PTPRD: variants seen among roughly 807,000 people sequenced by gnomAD.
The protein encoded by PTPRD is protein tyrosine phosphatase receptor type D.
In PTPRD, 34 loss-of-function variants were observed where a neutral mutation model predicts 214.5. That is an observed-to-expected ratio of 0.16 (90% CI 0.12 to 0.21). The LOEUF is 0.21. Ranked by LOEUF, PTPRD falls within the 10% of genes least tolerant of loss-of-function variation. The pLI is 1.00. For missense variants in PTPRD, 2,545 were observed against 2,398.7 expected, an observed-to-expected ratio of 1.06 and a Z score of -1.27; for synonymous variants, 1,128 against 845.7, an observed-to-expected ratio of 1.33 and a Z score of -5.79.
intron 3 of PTPRD, among the ~76,000 whole-genome samples, chr9:10,095,239 A>G (rs1341066314): frequency 6.6e-6 from 1 of 151,464 alleles, no homozygotes; most frequent in Non-Finnish European, 1.5e-5. Flanking sequence ...TTCAATGCTA[A>G]ATCTGAAAAA....
chr9:9,629,101 G>A (rs557646335), intron 7 of PTPRD, among the ~76,000 whole-genome samples: 2 of 151,722 alleles, frequency 1.3e-5, no homozygotes, highest in African/African-American at 4.8e-5. Flanking sequence ...TTGAACCCGG[G>A]AGGCGGAGGT....
intron 5 of PTPRD, among the ~76,000 whole-genome samples, chr9:9,902,502 C>G (rs909560002): frequency 6.6e-6 from 1 of 152,036 alleles, no homozygotes; most frequent in African/African-American, 2.4e-5. Flanking sequence ...GATTACATAA[C>G]AGTGTAGAAA....
chr9:9,090,779 C>G (rs927287335), intron 10 of PTPRD: 11 of 658,696 alleles, frequency 1.7e-5, no homozygotes, highest in Non-Finnish European at 3.0e-5. Context: ...TCCTCTTTAG[C>G]TGAGTTGCTG....
At chr9:9,032,525 C>T (rs2099608824) in intron 10 of PTPRD, among the ~76,000 whole-genome samples, 1 of 151,996 alleles carries the variant, frequency 6.6e-6, no homozygotes, top group African/African-American at 2.4e-5. Context: ...TAATGCCTCT[C>T]CCTCCCTTGC....
chr9:8,986,984 T>TCA (rs2099347929), intron 11 of PTPRD, among the ~76,000 whole-genome samples: 1 of 152,110 alleles, frequency 6.6e-6, no homozygotes, highest in African/African-American at 2.4e-5. Flanking sequence ...TCCTGTGAAT[T>TCA]GCTTGCTTCC....
At chr9:9,432,034 C>A (rs924675613) in intron 8 of PTPRD, among the ~76,000 whole-genome samples, 1 of 138,618 alleles carries the variant, frequency 7.2e-6, no homozygotes, top group East Asian at 2.1e-4. Flanking sequence ...TACATGTACC[C>A]TAGAACTTAA....
chr9:10,132,027 C>G (rs2098893688), intron 3 of PTPRD, among the ~76,000 whole-genome samples: 1 of 152,018 alleles, frequency 6.6e-6, no homozygotes, highest in Non-Finnish European at 1.5e-5. Context: ...CTAATAACTA[C>G]AGTGATAAAA....
intron 4 of PTPRD, among the ~76,000 whole-genome samples, chr9:9,984,423 C>T (rs2095640624): frequency 6.6e-6 from 1 of 152,104 alleles, no homozygotes. Flanking sequence ...GTAGTTGTAA[C>T]CCACAGGATG....
chr9:8,382,210 T>G (rs1415556089), intron 37 of PTPRD, among the ~76,000 whole-genome samples: 1 of 152,370 alleles, frequency 6.6e-6, no homozygotes, highest in East Asian at 1.9e-4. Context: ...CTATGTTGGG[T>G]ATTTACCAGT....
intron 39 of PTPRD, among the ~76,000 whole-genome samples, chr9:8,343,489 G>A (rs1196666117): frequency 3.9e-5 from 6 of 152,002 alleles, no homozygotes; most frequent in Admixed American, 2.0e-4. Flanking sequence ...AGCAAAGTCG[G>A]CCTGGTGGTT....
At chr9:10,534,091 TA>T (rs2057148539) in intron 2 of PTPRD, among the ~76,000 whole-genome samples, 1 of 151,850 alleles carries the variant, frequency 6.6e-6, no homozygotes, top group South Asian at 2.1e-4. Flanking sequence ...AGAAGAGTTC[TA>T]AAAAATATTT....
At chr9:9,251,273 A>C (rs1174750953) in intron 9 of PTPRD, among the ~76,000 whole-genome samples, 1 of 152,070 alleles carries the variant, frequency 6.6e-6, no homozygotes, top group African/African-American at 2.4e-5. Flanking sequence ...ATGTGGCAGC[A>C]TGTAAAAGAA....
chr9:8,657,071 C>CT (rs1474058260), intron 12 of PTPRD, among the ~76,000 whole-genome samples: 2 of 151,768 alleles, frequency 1.3e-5, no homozygotes, highest in East Asian at 3.9e-4. Flanking sequence ...TTGCATTTCT[C>CT]TAATGATCAG....
intron 9 of PTPRD, among the ~76,000 whole-genome samples, chr9:9,197,752 G>C (rs1251021899): frequency 6.6e-6 from 1 of 152,098 alleles, no homozygotes; most frequent in Non-Finnish European, 1.5e-5. Context: ...GTCTACTCTG[G>C]CTTCCTTTTC....
At chr9:8,886,676 G>A (rs2098491360) in intron 11 of PTPRD, among the ~76,000 whole-genome samples, 1 of 152,136 alleles carries the variant, frequency 6.6e-6, no homozygotes, top group Non-Finnish European at 1.5e-5. Context: ...TTTTTCTGCA[G>A]TCAGCACCCC....
intron 14 of PTPRD, among the ~76,000 whole-genome samples, chr9:8,603,900 T>C (rs1295299006): frequency 6.6e-6 from 1 of 152,218 alleles, no homozygotes; most frequent in Non-Finnish European, 1.5e-5. Flanking sequence ...TGAAAACATG[T>C]ACTTTGTATT....
At chr9:9,298,118 C>A (rs925562024) in intron 9 of PTPRD, among the ~76,000 whole-genome samples, 1 of 151,498 alleles carries the variant, frequency 6.6e-6, no homozygotes, top group South Asian at 2.1e-4. Context: ...TGTAGTGGCA[C>A]TGATAGAAAG....
chr9:10,506,960 G>C (rs967990006), intron 2 of PTPRD, among the ~76,000 whole-genome samples: 1 of 152,058 alleles, frequency 6.6e-6, no homozygotes, highest in Non-Finnish European at 1.5e-5. Flanking sequence ...GCCCTGGCCA[G>C]AACTTCCAAC....
At chr9:10,003,009 A>G (rs1195497132) in intron 4 of PTPRD, among the ~76,000 whole-genome samples, 1 of 151,820 alleles carries the variant, frequency 6.6e-6, no homozygotes, top group African/African-American at 2.4e-5. Context: ...ATGAGATAAA[A>G]TTACAAATCA....
Sources: allele counts gnomAD v4.1 joint callset (sites outside exome capture counted in the v4.1 genomes callset), GRCh38; gene constraint gnomAD v4.1.1; transcripts MANE v1.5; gene names NCBI Gene and HGNC (gene_info 2026-07-23, HGNC 2026-07-21).